The following HS6ST3 variants were observed in gnomAD, a reference collection of about 807,000 sequenced individuals.
HS6ST3 encodes heparan sulfate 6-O-sulfotransferase 3.
Under a neutral mutation model 36.7 loss-of-function variants are expected in HS6ST3, and 12 were observed. The ratio of observed to expected loss-of-function variants is 0.33; its 90% confidence interval spans 0.21 to 0.53. The LOEUF is 0.53. Ranked by LOEUF, HS6ST3 falls within the 20% of genes least tolerant of loss-of-function variation. The pLI is 0.95. For synonymous variants in HS6ST3, 240 were observed against 257.5 expected (o/e 0.93, Z 0.65); for missense variants, 584 against 640.9 (o/e 0.91, Z 0.96).
chr13:96,767,481 TA>T (rs1877148263), intron 1 of HS6ST3, among the ~76,000 whole-genome samples: 1 of 152,244 alleles, frequency 6.6e-6, no homozygotes, highest in Non-Finnish European at 1.5e-5. Context: ...ATGTGTTGTG[TA>T]GGGTAGTGAG....
rs370730495 is a variant in HS6ST3, at chr13:96,661,599, C to T, written c.708-170891C>T. On this transcript the variant is annotated intron_variant, in intron 1 of 1. Coordinates refer to ENST00000376705, the MANE Select transcript of HS6ST3 (RefSeq NM_153456.4). ...TAGAGCATTAGTTCATTTATCTTCA[C>T]GGTTAATATTGACATGTGAGGTTTT... Among the ~76,000 whole-genome samples the T allele has an allele frequency of 1.4e-4, 22 of 152,028 alleles. No individual in the cohort carries two copies. In the East Asian group the frequency reaches 1.7e-3, roughly 12 times the overall value.
At chr13:96,789,534 C>G (rs951839858) in intron 1 of HS6ST3, among the ~76,000 whole-genome samples, 2 of 151,834 alleles carry the variant, frequency 1.3e-5, no homozygotes, top group Non-Finnish European at 2.9e-5. Context: ...TCCTGAAGTT[C>G]CAGGTTTCCC....
At chr13:96,650,771 A>G (rs1299613988) in intron 1 of HS6ST3, among the ~76,000 whole-genome samples, 2 of 152,060 alleles carry the variant, frequency 1.3e-5, no homozygotes, top group Non-Finnish European at 2.9e-5. Context: ...TGTGGTCTAT[A>G]TGTATTGTCC....
At chr13:96,386,308 T>G (rs2139448972) in intron 1 of HS6ST3, among the ~76,000 whole-genome samples, 1 of 152,184 alleles carries the variant, frequency 6.6e-6, no homozygotes, top group East Asian at 1.9e-4. Context: ...GGAAGAAAAC[T>G]GTTGCAGCAG....
chr13:96,386,707 A>G (rs1465892134), intron 1 of HS6ST3, among the ~76,000 whole-genome samples: 4 of 152,080 alleles, frequency 2.6e-5, no homozygotes, highest in Non-Finnish European at 5.9e-5. Context: ...TCTACTAAAA[A>G]TACAAAAAAT....
chr13:96,734,573 C>T (rs527979022), intron 1 of HS6ST3, among the ~76,000 whole-genome samples: 10 of 152,242 alleles, frequency 6.6e-5, no homozygotes, highest in African/African-American at 2.4e-4. Flanking sequence ...TGTAATTGCT[C>T]CCTCAGAAAT....
chr13:96,266,563 G>T (rs1232212208), intron 1 of HS6ST3, among the ~76,000 whole-genome samples: 2 of 151,994 alleles, frequency 1.3e-5, no homozygotes, highest in African/African-American at 2.4e-5. Flanking sequence ...TCCTAAAAGG[G>T]TGACAGAGTA....
chr13:96,755,368 GTTTTTGTT>G (rs1876801328), intron 1 of HS6ST3, among the ~76,000 whole-genome samples: 1 of 148,194 alleles, frequency 6.7e-6, no homozygotes, highest in African/African-American at 2.6e-5. Context: ...TTTTGTTTTT[GTTTTTGTT>G]TTTTTTGAGA....
intron 1 of HS6ST3, among the ~76,000 whole-genome samples, chr13:96,213,848 C>T (rs1310861500): frequency 6.6e-6 from 1 of 152,104 alleles, no homozygotes; most frequent in Admixed American, 6.6e-5. Flanking sequence ...TATGTGTGTC[C>T]TAGATCTCTA....
chr13:96,771,565 A>T (rs1475206996), intron 1 of HS6ST3, among the ~76,000 whole-genome samples: 2 of 152,222 alleles, frequency 1.3e-5, no homozygotes, highest in Non-Finnish European at 2.9e-5. Context: ...AAACCTAATG[A>T]TTCCAGCTCA....
chr13:96,282,373 G>A (rs2054779932), intron 1 of HS6ST3, among the ~76,000 whole-genome samples: 1 of 152,156 alleles, frequency 6.6e-6, no homozygotes, highest in African/African-American at 2.4e-5. Context: ...CATCCAAGGG[G>A]TGAAGGAATA....
chr13:96,628,139 G>A (rs533314970), intron 1 of HS6ST3, among the ~76,000 whole-genome samples: 4 of 151,752 alleles, frequency 2.6e-5, no homozygotes, highest in South Asian at 2.1e-4. Flanking sequence ...TCTTTTTAAT[G>A]TATGCATGTA....
At chr13:96,399,392 C>A (rs77498890) in intron 1 of HS6ST3, among the ~76,000 whole-genome samples, 1 of 152,092 alleles carries the variant, frequency 6.6e-6, no homozygotes, top group African/African-American at 2.4e-5. Context: ...TCACATATGA[C>A]GTGTCTGTAA....
chr13:96,224,889 A>G (rs186186229), intron 1 of HS6ST3, among the ~76,000 whole-genome samples: 174 of 152,304 alleles, frequency 1.1e-3, no homozygotes, highest in Non-Finnish European at 1.7e-3. Flanking sequence ...CTTTTAGGCC[A>G]TTCTTAAATA....
chr13:96,685,953 A>C (rs1185520177), intron 1 of HS6ST3, among the ~76,000 whole-genome samples: 1 of 152,092 alleles, frequency 6.6e-6, no homozygotes, highest in Non-Finnish European at 1.5e-5. Flanking sequence ...TGACAGACAA[A>C]ATCACAGGTA....
Position 96,790,750 on chromosome 13 carries a change from G to A in HS6ST3, c.708-41740G>A, listed in dbSNP as rs146218999. 1.3e-3 allele frequency among the ~76,000 whole-genome samples: 204 copies of A among 152,126 alleles called. 2 individuals are homozygous for A. The highest frequency in any genetic ancestry group is 4.6e-3 in the African/African-American group (192 of 41,540). On this transcript the variant is annotated intron_variant, in intron 1 of 1. Coordinates refer to ENST00000376705, the MANE Select transcript of HS6ST3 (RefSeq NM_153456.4). Reference sequence around the variant, plus strand: ...AATACACATTCTCGGATCCTGTGCAGGAAGGTTTGCATAATATGTCTCGAT... The same window carrying A: ...AATACACATTCTCGGATCCTGTGCAAGAAGGTTTGCATAATATGTCTCGAT...
At chr13:96,737,462 A>G (rs1215269557) in intron 1 of HS6ST3, among the ~76,000 whole-genome samples, 1 of 150,752 alleles carries the variant, frequency 6.6e-6, no homozygotes, top group Non-Finnish European at 1.5e-5. Flanking sequence ...CGTCTCTACT[A>G]AAAATACAAA....
intron 1 of HS6ST3, among the ~76,000 whole-genome samples, chr13:96,133,115 T>TTTAA (rs1177938448): frequency 6.6e-5 from 10 of 152,186 alleles, no homozygotes; most frequent in East Asian, 3.9e-4. Flanking sequence ...GTAGAAGCTT[T>TTTAA]TTAATTAATT....
intron 1 of HS6ST3, among the ~76,000 whole-genome samples, chr13:96,578,841 C>G (rs2056331157): frequency 6.6e-6 from 1 of 152,180 alleles, no homozygotes; most frequent in Non-Finnish European, 1.5e-5. Context: ...TTTCAAGGAA[C>G]TAGCCCAAAT....
Sources: gnomAD v4.1 joint callset for allele counts (sites outside exome capture counted in the v4.1 genomes callset) on GRCh38, gnomAD v4.1.1 for gene constraint, MANE v1.5 for transcripts, NCBI Gene and HGNC (gene_info 2026-07-23, HGNC 2026-07-21) for gene names.